SLC5A4: variants seen among roughly 807,000 people sequenced by gnomAD.
The protein encoded by SLC5A4 is probable glucose sensor protein SLC5A4.
In SLC5A4, 55 loss-of-function variants were observed where a neutral mutation model predicts 70.3. The observed-to-expected ratio is 0.78, with a 90% confidence interval of 0.63 to 0.98. SLC5A4 has a LOEUF of 0.98. SLC5A4 is among the 50% of genes least tolerant of loss of function. The pLI, the probability that SLC5A4 is intolerant of heterozygous loss-of-function variation, is 0.00. For missense variants in SLC5A4, 735 were observed against 839.2 expected, an observed-to-expected ratio of 0.88 and a Z score of 1.53; for synonymous variants, 268 against 305.7, an observed-to-expected ratio of 0.88 and a Z score of 1.29.
At chr22:32,227,946 G>A (rs1198130350) in intron 11 of SLC5A4, among the ~76,000 whole-genome samples, 5 of 151,700 alleles carry the variant, frequency 3.3e-5, no homozygotes, top group Admixed American at 2.0e-4. Context: ...CAGCCTGGGC[G>A]ACAGCAAGAC....
the SLC5A4 span, among the ~76,000 whole-genome samples, chr22:32,306,434 C>T: frequency 6.7e-6 from 1 of 150,318 alleles, no homozygotes; most frequent in Non-Finnish European, 1.5e-5. Context: ...CCACTGCACT[C>T]CAGCCTGGGC....
the SLC5A4 span, among the ~76,000 whole-genome samples, chr22:32,321,488 C>T: frequency 1.3e-4 from 20 of 152,286 alleles, no homozygotes; most frequent in South Asian, 8.3e-4. Flanking sequence ...CAGGGGTACA[C>T]GTGCAGGACG....
the SLC5A4 span, among the ~76,000 whole-genome samples, chr22:32,267,324 A>G: frequency 7.9e-4 from 120 of 152,350 alleles, no homozygotes; most frequent in Non-Finnish European, 1.4e-3. Flanking sequence ...GACACTCTAC[A>G]CAAAAACCCT....
the SLC5A4 span, among the ~76,000 whole-genome samples, chr22:32,294,270 A>C: frequency 1.3e-5 from 2 of 152,004 alleles, no homozygotes; most frequent in South Asian, 4.1e-4. Context: ...TTCATTCTGG[A>C]TGTTTTCTTG....
chr22:32,339,305 C>A, the SLC5A4 span, among the ~76,000 whole-genome samples: 3 of 152,154 alleles, frequency 2.0e-5, no homozygotes, highest in Non-Finnish European at 4.4e-5. Context: ...CTGCCACAGG[C>A]CGGGCTCTGT....
the SLC5A4 span, among the ~76,000 whole-genome samples, chr22:32,291,830 G>A: frequency 0.48 from 70,156 of 145,702 alleles, 17,065 homozygotes; most frequent in Admixed American, 0.51. Context: ...ATATATGTGT[G>A]TGTGTATATA....
intron 13 of SLC5A4, 57 bp from the exon 14 acceptor site, chr22:32,221,079 A>AT: frequency 1.9e-6 from 2 of 1,046,696 alleles, no homozygotes; most frequent in Non-Finnish European, 3.0e-6. Flanking sequence ...GCAATAGTAT[A>AT]ATAGAATGGT....
chr22:32,350,278 C>T, the SLC5A4 span, among the ~76,000 whole-genome samples: 341 of 152,256 alleles, frequency 2.2e-3, 1 homozygote, highest in Middle Eastern at 6.8e-3. Context: ...GATGGATACG[C>T]GGAAGTGCCA....
At chr22:32,262,707 G>C in the SLC5A4 span, among the ~76,000 whole-genome samples, 2 of 151,900 alleles carry the variant, frequency 1.3e-5, no homozygotes, top group African/African-American at 4.8e-5. Context: ...GTGCAAAAAA[G>C]AAAAGAAAGT....
intron 13 of SLC5A4, 53 bp from the exon 14 acceptor site, chr22:32,221,075 G>C: frequency 9.0e-7 from 1 of 1,108,448 alleles, no homozygotes. Flanking sequence ...GTTTGCAATA[G>C]TATAATAGAA....
chr22:32,271,287 G>C, the SLC5A4 span: 1 of 751,604 alleles, frequency 1.3e-6, no homozygotes, highest in South Asian at 1.5e-5. Flanking sequence ...CCACCACACA[G>C]GGCGAGGCCC....
At chr22:32,272,650 C>G in the SLC5A4 span, 47 of 576,618 alleles carry the variant, frequency 8.2e-5, no homozygotes, top group Admixed American at 2.0e-4. Flanking sequence ...ATGTACCTGC[C>G]TGAAGCCAAG....
At chr22:32,328,791 A>G in the SLC5A4 span, among the ~76,000 whole-genome samples, 2 of 152,356 alleles carry the variant, frequency 1.3e-5, no homozygotes, top group Middle Eastern at 3.4e-3. Flanking sequence ...GCTAGCTAAT[A>G]CAAGGCCTCA....
rs1927166654 is a variant in SLC5A4, at chr22:32,251,644, G to A, written c.312+126C>T. ...CTTGCACTTCCCAGCCTTCAGAGCTGTCAGAGATACATTTCTGTTCTTTAT... is the reference window on the plus strand; with the variant it reads ...CTTGCACTTCCCAGCCTTCAGAGCTATCAGAGATACATTTCTGTTCTTTAT... On this transcript the variant is annotated intron_variant, in intron 3 of 14. Coordinates refer to ENST00000266086, the MANE Select transcript of SLC5A4 (RefSeq NM_014227.3). The A allele has an allele frequency of 7.3e-6, 5 of 687,942 alleles. No individual in the cohort carries two copies. In the Middle Eastern group the frequency reaches 7.7e-4, roughly 106 times the overall value. The allele number at this position is 687,942 out of a possible 1,614,324, so 42.6% of individuals were successfully genotyped here. A position where few individuals can be genotyped will look rare whatever the true frequency, so the allele number is the denominator to read the frequency against.
upstream of SLC5A4, among the ~76,000 whole-genome samples, chr22:32,257,790 C>T (rs749585329): frequency 5.3e-5 from 8 of 151,710 alleles, no homozygotes; most frequent in South Asian, 4.2e-4. Flanking sequence ...CTCAGCCTCC[C>T]GAGTAGCTGG....
intron 8 of SLC5A4, among the ~76,000 whole-genome samples, chr22:32,234,079 G>A (rs1159150037): frequency 6.6e-6 from 1 of 152,162 alleles, no homozygotes; most frequent in Non-Finnish European, 1.5e-5. Flanking sequence ...TCATAGGGAA[G>A]CCAACAATAA....
chr22:32,323,692 CTGCT>C, the SLC5A4 span, among the ~76,000 whole-genome samples: 1 of 152,216 alleles, frequency 6.6e-6, no homozygotes, highest in Non-Finnish European at 1.5e-5. Flanking sequence ...GTCGAGGCCT[CTGCT>C]TGGTTTCCCC....
chr22:32,275,271 C>T, the SLC5A4 span, among the ~76,000 whole-genome samples: 6 of 152,188 alleles, frequency 3.9e-5, no homozygotes, highest in Non-Finnish European at 8.8e-5. Flanking sequence ...ATGTGCACAA[C>T]GTGCAGGTTT....
At chr22:32,336,055 C>A in the SLC5A4 span, among the ~76,000 whole-genome samples, 1 of 152,210 alleles carries the variant, frequency 6.6e-6, no homozygotes, top group African/African-American at 2.4e-5. Flanking sequence ...AATCCATAGT[C>A]CTCCCTGACC....
Sources: gnomAD v4.1 joint callset for allele counts (sites outside exome capture counted in the v4.1 genomes callset) on GRCh38, gnomAD v4.1.1 for gene constraint, MANE v1.5 for transcripts, NCBI Gene and HGNC (gene_info 2026-07-23, HGNC 2026-07-21) for gene names.